The following RUVBL2 variants were observed in gnomAD, a reference collection of about 807,000 sequenced individuals.
RUVBL2 encodes ruvB-like 2.
Under a neutral mutation model 57.9 loss-of-function variants are expected in RUVBL2, and 9 were observed. The observed-to-expected ratio is 0.16, with a 90% confidence interval of 0.09 to 0.27. The LOEUF is 0.27. Among genes scored for constraint, RUVBL2 ranks in the 10% least tolerant of loss-of-function variants. RUVBL2 has a pLI of 1.00. For synonymous variants in RUVBL2, 278 were observed against 264.6 expected (o/e 1.05, Z -0.49); for missense variants, 456 against 669.6 (o/e 0.68, Z 3.52).
intron 12 of RUVBL2, 50 bp from the exon 13 acceptor site, chr19:49,014,971 G>A: frequency 6.4e-7 from 1 of 1,559,422 alleles, no homozygotes; most frequent in Non-Finnish European, 8.7e-7. Context: ...TTCTGCTGCA[G>A]TCAGAGGCTG....
chr19:48,998,576 G>A (rs963754862), intron 1 of RUVBL2, among the ~76,000 whole-genome samples: 1 of 151,918 alleles, frequency 6.6e-6, no homozygotes, highest in African/African-American at 2.4e-5. Context: ...AAGTGTGGTG[G>A]TGTGCGCCTG....
intron 6 of RUVBL2, among the ~76,000 whole-genome samples, chr19:49,007,614 A>C (rs1173889336): frequency 6.6e-6 from 1 of 152,208 alleles, no homozygotes; most frequent in African/African-American, 2.4e-5. Flanking sequence ...TGAGTTCCCA[A>C]CAGACCTCAA....
At position 48,998,898 on chromosome 19, in the gene RUVBL2, C is replaced by T. The variant is rs140410902; in HGVS notation, c.13-421C>T. Among the ~76,000 whole-genome samples, 255 of 147,722 alleles carry T rather than the reference C, an allele frequency of 1.7e-3. 1 individual carries two copies. Among genetic ancestry groups the T allele is most frequent in the African/African-American group, 5.8e-3 (232 of 39,900 alleles). On this transcript the variant is annotated intron_variant, in intron 1 of 14. Coordinates refer to ENST00000595090, the MANE Select transcript of RUVBL2 (RefSeq NM_006666.3). The stretch of plus-strand genomic sequence containing the variant: ...CAAAAATTAGCCGGGTGTGTTGATG[C>T]GCGCCTGTAATCCCAGCTAGTCAGG...
At chr19:49,000,186 A>T (rs555723140) in intron 2 of RUVBL2, among the ~76,000 whole-genome samples, 1 of 152,354 alleles carries the variant, frequency 6.6e-6, no homozygotes, top group South Asian at 2.1e-4. Flanking sequence ...TTACCTCATC[A>T]GTTAATGTAA....
rs770719600 is a variant in RUVBL2 at position 49,010,569 on chromosome 19, G to A, written c.745G>A (p.Val249Ile). 2.0e-5 allele frequency: 32 copies of A among 1,592,358 alleles called. No individual in the cohort carries two copies. The highest frequency in any genetic ancestry group is 1.4e-4 in the East Asian group (6 of 43,156). Residue 249 changes from valine to isoleucine, a missense_variant, in exon 9 of 15, where the codon GTC becomes ATC. This residue lies in a region of RUVBL2 where 130 missense variants were observed against 243.0 expected (regional missense o/e 0.53). Transcript: ENST00000595090. ...CACCGTGTCCCTGCACGAGATCGAC[G>A]TCATCAACTCTCGCACCCAGGGCTT... Reference protein sequence around the residue: ...VHTVSLHEIDVINSRTQGFLA... With the variant: ...VHTVSLHEIDIINSRTQGFLA...
Position 49,011,417 on chromosome 19 carries a change from G to T in RUVBL2, c.1001+107G>T. On this transcript the variant is annotated intron_variant, in intron 11 of 14. Coordinates refer to ENST00000595090, the MANE Select transcript of RUVBL2 (RefSeq NM_006666.3). This position sits in a 1 kb window ranked among gnomAD's most constrained non-coding sequence, Gnocchi z 4.4. Reference sequence around the variant, plus strand: ...TTGACACCGGGTCAGGGAGGGACGCGTGACTGCAGTGTGCGCTCTTTGCTT... The same window carrying T: ...TTGACACCGGGTCAGGGAGGGACGCTTGACTGCAGTGTGCGCTCTTTGCTT... The T allele has an allele frequency of 2.1e-5, 18 of 842,006 alleles. No homozygotes were observed. In the South Asian group the frequency reaches 2.2e-4, roughly 10 times the overall value. The allele number at this position is 842,006 out of a possible 1,614,324, so 52.2% of individuals were successfully genotyped here. A position where few individuals can be genotyped will look rare whatever the true frequency, so the allele number is the denominator to read the frequency against.
At chr19:49,000,585 C>T (rs2039159472) in intron 2 of RUVBL2, among the ~76,000 whole-genome samples, 1 of 151,460 alleles carries the variant, frequency 6.6e-6, no homozygotes, top group Admixed American at 6.6e-5. Flanking sequence ...AGTGCCGAGA[C>T]TGGGTGCTGT....
In RUVBL2 at chr19:49,015,146, G is replaced by C; in HGVS notation, c.1247G>C (p.Arg416Pro). The stretch of plus-strand genomic sequence containing the variant: ...GCTGCCAGCTTGGTGTGCCGGAAAC[G>C]CAAGGTCAGCCGGCCGAATTAGCCA... Reference protein sequence around the residue: ...ITAASLVCRKRKGTEVQVDDI... With the variant: ...ITAASLVCRKPKGTEVQVDDI... The change falls in exon 13 of 15, where the codon CGC (arginine) becomes CCC (proline). Residue 416 changes from arginine (R) to proline (P), a missense_variant. By Grantham distance (103) the Arg-to-Pro change is moderately radical. Coordinates refer to ENST00000595090, the MANE Select transcript of RUVBL2 (RefSeq NM_006666.3). 1 of 1,606,852 alleles carries C rather than the reference G, an allele frequency of 6.2e-7. No individual in the cohort carries two copies. The highest frequency in any genetic ancestry group is 8.5e-7 in the Non-Finnish European group (1 of 1,177,448).
Position 49,010,470 on chromosome 19 carries a change from C to CCCCCCCCCCCCCA in RUVBL2, c.664-16_664-15insCCCCCCCCCCACC. ...CCTGCCCTGTCTCCGCCGTTCTTCC[C>CCCCCCCCCCCCCA]CCACCCCCGCCCCATAGACCAAGTT... On this transcript the variant is annotated splice_polypyrimidine_tract_variant and intron_variant, in intron 8 of 14. Coordinates refer to ENST00000595090, the MANE Select transcript of RUVBL2 (RefSeq NM_006666.3). 8.3e-7 allele frequency: 1 copy of CCCCCCCCCCCCCA among 1,211,172 alleles called. No individual in the cohort carries two copies. Among genetic ancestry groups the CCCCCCCCCCCCCA allele is most frequent in the Non-Finnish European group, 1.2e-6 (1 of 861,236 alleles). 75.0% of individuals were successfully genotyped at this position (1,211,172 alleles called of 1,614,324 possible).
In RUVBL2 at chr19:49,010,483, C is replaced by CACCACCAAAA; in HGVS notation, c.664-4_664-3insCCACCAAAAA. 1 of 1,576,002 alleles carries CACCACCAAAA rather than the reference C, an allele frequency of 6.3e-7. No homozygotes were observed. The highest frequency in any genetic ancestry group is 8.7e-7 in the Non-Finnish European group (1 of 1,148,128). ...CGCCGTTCTTCCCCCACCCCCGCCC[C>CACCACCAAAA]ATAGACCAAGTTCGTGCAGTGCCCA... is the stretch of plus-strand genomic sequence containing the variant. On this transcript the variant is annotated splice_polypyrimidine_tract_variant and splice_region_variant and intron_variant, in intron 8 of 14. Transcript: ENST00000595090.
intron 1 of RUVBL2, chr19:48,994,251 G>C (rs1174574953): frequency 2.4e-6 from 1 of 408,592 alleles, no homozygotes; most frequent in East Asian, 4.3e-5. Context: ...GATGAGGAGG[G>C]TTGTAGGACC....
intron 8 of RUVBL2, 21 bp from the exon 9 acceptor site, chr19:49,010,467 T>TCG: frequency 4.9e-5 from 68 of 1,401,150 alleles, no homozygotes; most frequent in Non-Finnish European, 5.9e-5. Flanking sequence ...CCGCCGTTCT[T>TCG]CCCCCACCCC....
chr19:49,003,171 C>CAA, intron 2 of RUVBL2, 108 bp from the exon 3 acceptor site: 1 of 537,506 alleles, frequency 1.9e-6, no homozygotes, highest in Non-Finnish European at 3.8e-6. Flanking sequence ...CTGCTCCCTA[C>CAA]TCCCACCCAC....
chr19:49,014,714 A>G, intron 12 of RUVBL2, 111 bp downstream of exon 12: 1 of 1,435,290 alleles, frequency 7.0e-7, no homozygotes, highest in Non-Finnish European at 9.4e-7. Flanking sequence ...GGCCTACAGG[A>G]GAGAGGGCTG....
chr19:49,003,185 T>G, intron 2 of RUVBL2, 94 bp from the exon 3 acceptor site: 28 of 546,030 alleles, frequency 5.1e-5, no homozygotes, highest in Non-Finnish European at 8.7e-5. Context: ...CACCCACCCC[T>G]TTGACAAAGA....
chr19:49,009,284 C>G (rs145240807), intron 6 of RUVBL2, among the ~76,000 whole-genome samples: 2 of 149,238 alleles, frequency 1.3e-5, no homozygotes, highest in African/African-American at 4.9e-5. Context: ...GTCAGGAGAT[C>G]GAGACCATCC....
intron 1 of RUVBL2, among the ~76,000 whole-genome samples, chr19:48,998,698 A>T (rs2039114780): frequency 7.6e-6 from 1 of 132,102 alleles, no homozygotes; most frequent in Non-Finnish European, 1.6e-5. Context: ...GACAGAGCAG[A>T]CTCCGTCTCA....
rs1568637260 is a variant in RUVBL2, at chr19:49,007,021, T to C, written c.269T>C (p.Met90Thr). The change falls in exon 5 of 15, where the codon ATG (methionine) becomes ACG (threonine). Residue 90 changes from methionine (M) to threonine (T), a missense_variant. Physicochemically the swap from Met to Thr is moderately conservative, Grantham distance 81. Around this residue, in one of 5 missense-constraint regions of RUVBL2, gnomAD observed 233 missense variants for 306.0 expected, o/e 0.76. Coordinates refer to ENST00000595090, the MANE Select transcript of RUVBL2 (RefSeq NM_006666.3). Reference sequence around the variant, plus strand: ...ACACAGACTGCCTCCTTCCCAGGCATGGCGCAGGCCCTGGGCCCTGACACG... The same window carrying C: ...ACACAGACTGCCTCCTTCCCAGGCACGGCGCAGGCCCTGGGCCCTGACACG... ...GTGKTAIAMGMAQALGPDTPF... is the reference protein window; with the variant it reads ...GTGKTAIAMGTAQALGPDTPF... The C allele has an allele frequency of 1.2e-6, 2 of 1,612,702 alleles. No homozygotes were observed. The highest frequency in any genetic ancestry group is 1.3e-5 in the African/African-American group (1 of 75,064).
At chr19:49,003,454 C>A in intron 3 of RUVBL2, 120 bp downstream of exon 3, 1 of 848,548 alleles carries the variant, frequency 1.2e-6, no homozygotes, top group Non-Finnish European at 1.9e-6. Context: ...GGCTACATAC[C>A]CATAAACTTC....
Sources: allele counts gnomAD v4.1 joint callset (sites outside exome capture counted in the v4.1 genomes callset), GRCh38; gene constraint gnomAD v4.1.1; regional missense constraint gnomAD v4.1.1; non-coding constraint Gnocchi (gnomAD v3.1); transcripts MANE v1.5; gene names NCBI Gene and HGNC (gene_info 2026-07-23, HGNC 2026-07-21).